Variants in LATS2 observed in about 807,000 individuals in gnomAD.
The protein encoded by LATS2 is serine/threonine-protein kinase LATS2.
Under a neutral mutation model 76.0 loss-of-function variants are expected in LATS2, and 24 were observed. The ratio of observed to expected loss-of-function variants is 0.32; its 90% CI spans 0.23 to 0.44. The LOEUF is 0.44. LATS2 is among the 20% of genes least tolerant of loss of function. The pLI is 1.00. For synonymous variants in LATS2, 692 were observed against 635.4 expected (o/e 1.09, Z -1.34); for missense variants, 1,286 against 1,481.2 (o/e 0.87, Z 2.16).
In LATS2 at chr13:20,983,686, G is replaced by C; in HGVS notation, c.2020C>G (p.Leu674Val). ...ACTTCTCCAAAGGCACCGATCCCCA[G>C]GGTTTTGATCTTGACAAACATAGAC... is the stretch of plus-strand genomic sequence containing the variant. ...DKSMFVKIKT[L>V]GIGAFGEVCL... Residue 674 changes from leucine to valine, a missense_variant, in exon 5 of 8, where the codon CTG (leucine) becomes GTG (valine). Leu to Val is a conservative substitution (Grantham distance 32, BLOSUM62 1). This residue lies in a region of LATS2 where 247 missense variants were observed against 385.4 expected (regional missense o/e 0.64). Coordinates refer to ENST00000382592, the MANE Select transcript of LATS2 (RefSeq NM_014572.3). 1 of 1,614,116 alleles carries C rather than the reference G, an allele frequency of 6.2e-7. No homozygotes were observed. The highest frequency in any genetic ancestry group is 8.5e-7 in the Non-Finnish European group (1 of 1,180,024).
chr13:21,057,320 CAAACAA>C (rs1265118152), intron 1 of LATS2, among the ~76,000 whole-genome samples: 2 of 152,140 alleles, frequency 1.3e-5, no homozygotes, highest in Non-Finnish European at 2.9e-5. Context: ...TATTGTCACA[CAAACAA>C]AAAGTATTTG....
chr13:20,988,931 G>C lies in LATS2; in HGVS notation c.849C>G (p.Thr283=). 4.6e-6 allele frequency: 7 copies of C among 1,524,036 alleles called. No individual in the cohort carries two copies. Among genetic ancestry groups the C allele is most frequent in the Non-Finnish European group, 6.1e-6 (7 of 1,139,306 alleles). 94.4% of individuals were successfully genotyped at this position (1,524,036 alleles called of 1,614,324 possible). A position where few individuals can be genotyped will look rare whatever the true frequency, so the allele number is the denominator to read the frequency against. The change falls in exon 4 of 8, where the codon ACC becomes ACG. Residue 283 remains threonine, a synonymous_variant. Transcript: ENST00000382592. ...PSFQSKTPPE[T]GGYASLPTKG... is the part of the protein sequence containing the mutation. ...TCGTGGGCAGGCTGGCGTAACCCCC[G>C]GTCTCCGGCGGCGTCTTGCTCTGGA...
In LATS2 at chr13:20,989,012, C is replaced by T. The variant is rs1870370378; in HGVS notation, c.768G>A (p.Pro256=). 1.9e-6 allele frequency: 3 copies of T among 1,549,986 alleles called. No individual in the cohort carries two copies. The highest frequency in any genetic ancestry group is 2.6e-6 in the Non-Finnish European group (3 of 1,154,114). The change falls in exon 4 of 8, where the codon CCG becomes CCA. Residue 256 remains proline (P), a synonymous_variant. Coordinates refer to ENST00000382592, the MANE Select transcript of LATS2 (RefSeq NM_014572.3). ...FPLQGAHYGR[P]HLLVPGEPLG... The stretch of plus-strand genomic sequence containing the variant: ...GGGGTTCCCCAGGCACCAGCAGGTG[C>T]GGCCGCCCGTAGTGCGCGCCCTGCA...
chr13:20,982,425 C>T (rs1396297581), intron 5 of LATS2, among the ~76,000 whole-genome samples: 1 of 152,214 alleles, frequency 6.6e-6, no homozygotes, highest in Non-Finnish European at 1.5e-5. Flanking sequence ...GATTCTCATG[C>T]CTCAGCCTCC....
Position 20,987,870 on chromosome 13 carries a change from T to G in LATS2, c.1899+11A>C, listed in dbSNP as rs770490765. 6.2e-7 allele frequency: 1 copy of G among 1,609,020 alleles called. No homozygotes were observed. Among genetic ancestry groups the G allele is most frequent in the Admixed American group, 1.7e-5 (1 of 59,596 alleles). ...CCGGGAACAAATAGTAAAAATGAAG[T>G]GTGAAATTACTTTGGCCATTTCTTG... On this transcript the variant is annotated intron_variant, in intron 4 of 7. Transcript: ENST00000382592.
intron 2 of LATS2, among the ~76,000 whole-genome samples, chr13:21,008,906 A>C (rs1056666113): frequency 2.8e-4 from 42 of 152,208 alleles, no homozygotes; most frequent in African/African-American, 9.6e-4. Context: ...TTATGTCTGT[A>C]GGGGAAAACT....
At chr13:21,041,774 T>A (rs960263495) in intron 2 of LATS2, among the ~76,000 whole-genome samples, 1 of 152,036 alleles carries the variant, frequency 6.6e-6, no homozygotes, top group African/African-American at 2.4e-5. Flanking sequence ...TTCTAAGGGG[T>A]CCAGGGGGCC....
chr13:21,029,882 G>A (rs867314987), intron 2 of LATS2, among the ~76,000 whole-genome samples: 1 of 152,008 alleles, frequency 6.6e-6, no homozygotes, highest in South Asian at 2.1e-4. Flanking sequence ...GGATCATGAG[G>A]TCAGGAGATG....
At chr13:20,992,845 G>A (rs952288257) in intron 2 of LATS2, among the ~76,000 whole-genome samples, 1 of 152,022 alleles carries the variant, frequency 6.6e-6, no homozygotes, top group African/African-American at 2.4e-5. Context: ...GACCATCCTG[G>A]CCAACATGGT....
At chr13:21,030,592 AAAAAAAAAAAAAAAAAAAAG>A (rs1171108177) in intron 2 of LATS2, among the ~76,000 whole-genome samples, 3 of 58,174 alleles carry the variant, frequency 5.2e-5, no homozygotes, top group South Asian at 6.1e-4. Context: ...ACTCCGTCTC[AAAAAAAAAAAAAAAAAAAAG>A]AAAAAAAAAA....
At chr13:20,998,033 TG>T (rs1870835173) in intron 2 of LATS2, among the ~76,000 whole-genome samples, 1 of 152,198 alleles carries the variant, frequency 6.6e-6, no homozygotes, top group African/African-American at 2.4e-5. Context: ...CGTGTCTGCG[TG>T]GGCCTCTGTC....
rs930951720 is a variant in LATS2 at position 20,988,377 on chromosome 13, G to C, written c.1403C>G (p.Ala468Gly). The C allele has an allele frequency of 1.7e-5, 23 of 1,365,676 alleles. No individual in the cohort carries two copies. Among genetic ancestry groups the C allele is most frequent in the Admixed American group, 3.9e-5 (1 of 25,720 alleles). 84.6% of individuals were successfully genotyped at this position (1,365,676 alleles called of 1,614,324 possible). The change falls in exon 4 of 8, where the codon GCG becomes GGG. Residue 468 changes from alanine (A) to glycine (G), a missense_variant. By Grantham distance (60) the Ala-to-Gly change is moderately conservative. Around this residue, in one of 5 missense-constraint regions of LATS2, gnomAD observed 710 missense variants for 660.9 expected, o/e 1.07. Transcript: ENST00000382592. ...VGPSHPAWVP[A>G]PAPAPAPAPA... ...GGCGGGGGCGGGGGCCGGGGCAGGC[G>C]CGGGCACCCAGGCGGGGTGCGAGGG...
At chr13:20,998,024 G>C (rs926227322) in intron 2 of LATS2, among the ~76,000 whole-genome samples, 1 of 152,100 alleles carries the variant, frequency 6.6e-6, no homozygotes, top group Non-Finnish European at 1.5e-5. Context: ...TGGCCCTATC[G>C]TGTCTGCGTG....
At chr13:20,987,254 T>TA (rs1283117268) in intron 4 of LATS2, among the ~76,000 whole-genome samples, 2 of 151,958 alleles carry the variant, frequency 1.3e-5, no homozygotes, top group Admixed American at 1.3e-4. Flanking sequence ...AGTATATCTG[T>TA]AAAAAAATCA....
At chr13:20,989,394 C>A in intron 3 of LATS2, 90 bp from the exon 4 acceptor site, 1 of 1,388,156 alleles carries the variant, frequency 7.2e-7, no homozygotes, top group Non-Finnish European at 1.0e-6. Context: ...CTAGCGCTGC[C>A]CTCGGGGCTG....
In LATS2 at chr13:20,981,571, G is replaced by T. The variant is rs769830939; in HGVS notation, c.2560C>A (p.Leu854Met). ...CGCGCCCTCTGCTCTAGGGTCTTCA[G>T]CCTGTCCCCACACCGACAGTTAGAC... ...DVSNCRCGDRLKTLEQRARKQ... is the reference protein window; with the variant it reads ...DVSNCRCGDRMKTLEQRARKQ... The change falls in exon 6 of 8, where the codon CTG (leucine) becomes ATG (methionine). Residue 854 changes from leucine to methionine, a missense_variant. Leu to Met is a conservative substitution (Grantham distance 15). This residue lies in a region of LATS2 where 247 missense variants were observed against 385.4 expected (regional missense o/e 0.64). Coordinates refer to ENST00000382592, the MANE Select transcript of LATS2 (RefSeq NM_014572.3). 5.6e-5 allele frequency: 91 copies of T among 1,614,002 alleles called. No homozygotes were observed. The highest frequency in any genetic ancestry group is 7.5e-5 in the Non-Finnish European group (89 of 1,180,006).
chr13:20,978,389 T>C (rs951794688), intron 7 of LATS2, among the ~76,000 whole-genome samples: 2 of 152,116 alleles, frequency 1.3e-5, no homozygotes, highest in Non-Finnish European at 2.9e-5. Flanking sequence ...GTTCAACCCT[T>C]AGTAACTCAT....
At chr13:21,036,989 T>G (rs1872704621) in intron 2 of LATS2, among the ~76,000 whole-genome samples, 1 of 152,228 alleles carries the variant, frequency 6.6e-6, no homozygotes, top group Admixed American at 6.5e-5. Flanking sequence ...ATTCCTAAAA[T>G]GTATTCTAAG....
intron 2 of LATS2, among the ~76,000 whole-genome samples, chr13:21,002,484 C>T (rs952935982): frequency 6.6e-6 from 1 of 151,504 alleles, no homozygotes; most frequent in East Asian, 1.9e-4. Context: ...AGGTGATTCT[C>T]CCACTTCAGC....
Sources: allele counts gnomAD v4.1 joint callset (sites outside exome capture counted in the v4.1 genomes callset), GRCh38; gene constraint gnomAD v4.1.1; regional missense constraint gnomAD v4.1.1; transcripts MANE v1.5; gene names NCBI Gene and HGNC (gene_info 2026-07-23, HGNC 2026-07-21).